The following ESR1 variants were observed in gnomAD, a reference collection of about 807,000 sequenced individuals.
The protein encoded by ESR1 is estrogen receptor 1.
In ESR1, 12 loss-of-function variants were observed where a neutral mutation model predicts 52.7. The observed-to-expected ratio is 0.23, with a 90% CI of 0.15 to 0.37. The LOEUF is 0.37. Among genes scored for constraint, ESR1 ranks in the 10% least tolerant of loss-of-function variants. The probability of loss-of-function intolerance (pLI) is 1.00; values close to 1 mark genes in which losing one functional copy is unlikely to be tolerated. For synonymous variants in ESR1, 305 were observed against 316.8 expected (o/e 0.96, Z 0.39); for missense variants, 584 against 779.7 (o/e 0.75, Z 2.99).
intron 6 of ESR1, among the ~76,000 whole-genome samples, chr6:152,065,792 G>A (rs1427734782): frequency 6.6e-6 from 1 of 152,166 alleles, no homozygotes; most frequent in Admixed American, 6.5e-5. Flanking sequence ...TGTTCCCCTG[G>A]AAATGTCTTA....
At chr6:151,684,216 T>C (rs140585770) in intron 1 of ESR1, among the ~76,000 whole-genome samples, 9 of 152,114 alleles carry the variant, frequency 5.9e-5, no homozygotes, top group African/African-American at 1.9e-4. Context: ...GAAGGTGTGC[T>C]TTGAGATGAA....
At chr6:151,967,323 A>T (rs115429918) in intron 4 of ESR1, among the ~76,000 whole-genome samples, 2,529 of 152,174 alleles carry the variant, frequency 0.017, 58 homozygotes, top group African/African-American at 0.057. Flanking sequence ...CCTAAATGCT[A>T]TCCTTCGCCT....
In ESR1 at chr6:151,705,220, TG is replaced by T. The variant is rs544328984; in HGVS notation, c.-71+3216del. The stretch of plus-strand genomic sequence containing the variant: ...AGAAAGACAACAGGCTAGGATTAGC[TG>T]ACTAATAATTTTATTTATCAAGCTC... On this transcript the variant is annotated intron_variant, in intron 2 of 2. Transcript: ENST00000404742. 2.1e-3 allele frequency among the ~76,000 whole-genome samples: 321 copies of T among 152,288 alleles called. 2 individuals are homozygous for T. The highest frequency in any genetic ancestry group is 7.4e-3 in the African/African-American group (308 of 41,560).
intron 4 of ESR1, among the ~76,000 whole-genome samples, chr6:151,985,357 A>C (rs1283855854): frequency 2.0e-5 from 3 of 151,708 alleles, no homozygotes; most frequent in Non-Finnish European, 4.4e-5. Context: ...AATACAAAAA[A>C]ATTAGCTGGG....
At chr6:152,000,758 G>A (rs1316310443) in intron 4 of ESR1, among the ~76,000 whole-genome samples, 1 of 152,032 alleles carries the variant, frequency 6.6e-6, no homozygotes, top group Non-Finnish European at 1.5e-5. Context: ...TGTTTTGTAT[G>A]TGGGAGGGGT....
At chr6:151,848,077 C>A (rs1785475177) in intron 2 of ESR1, among the ~76,000 whole-genome samples, 1 of 92,886 alleles carries the variant, frequency 1.1e-5, no homozygotes, top group African/African-American at 4.2e-5. Context: ...TGGAACCAAC[C>A]CAAATGTCCA....
In ESR1 at chr6:152,058,886, C is replaced by T. The variant is rs17082064; in HGVS notation, c.1236-2105C>T. 4.4e-3 allele frequency among the ~76,000 whole-genome samples: 670 copies of T among 152,188 alleles called. 5 individuals carry two copies. The highest frequency in any genetic ancestry group is 0.015 in the African/African-American group (618 of 41,516). On this transcript the variant is annotated intron_variant, in intron 5 of 7. Coordinates refer to ENST00000206249, the MANE Select transcript of ESR1 (RefSeq NM_000125.4). ...TTGGTTGATAAGCAATGTGATTTGA[C>T]GTAACAATCTTGAGTCCTAATCCCC...
At chr6:152,016,529 G>A (rs906028213) in intron 5 of ESR1, among the ~76,000 whole-genome samples, 1 of 152,112 alleles carries the variant, frequency 6.6e-6, no homozygotes, top group Non-Finnish European at 1.5e-5. Context: ...TGCATTAACA[G>A]TGAAACATTG....
At chr6:151,785,639 A>C (rs1786949573) in intron 2 of ESR1, among the ~76,000 whole-genome samples, 2 of 152,174 alleles carry the variant, frequency 1.3e-5, no homozygotes, top group Admixed American at 1.3e-4. Flanking sequence ...GTTTACTTGG[A>C]GGTGGCTCAA....
At chr6:151,987,524 A>G (rs2040608340) in intron 4 of ESR1, among the ~76,000 whole-genome samples, 1 of 152,066 alleles carries the variant, frequency 6.6e-6, no homozygotes, top group Non-Finnish European at 1.5e-5. Flanking sequence ...TTTACGTGGC[A>G]GACTTTATTT....
chr6:151,877,537 C>T (rs868297562), intron 2 of ESR1, among the ~76,000 whole-genome samples: 15 of 152,138 alleles, frequency 9.9e-5, no homozygotes, highest in South Asian at 4.1e-4. Flanking sequence ...TGTTAAGAGA[C>T]GAATTCAATT....
intron 3 of ESR1, among the ~76,000 whole-genome samples, chr6:151,888,078 T>C (rs975544982): frequency 3.3e-5 from 5 of 152,172 alleles, no homozygotes; most frequent in African/African-American, 1.2e-4. Context: ...AGCTTTATAG[T>C]ATATTTTGAG....
intron 1 of ESR1, among the ~76,000 whole-genome samples, chr6:151,701,411 C>T (rs1779772381): frequency 6.6e-6 from 1 of 151,476 alleles, no homozygotes; most frequent in South Asian, 2.1e-4. Flanking sequence ...CGCCTGTAGT[C>T]CCAGCTACTT....
intron 4 of ESR1, among the ~76,000 whole-genome samples, chr6:151,999,999 T>C (rs1254717504): frequency 1.3e-5 from 2 of 152,064 alleles, no homozygotes; most frequent in Non-Finnish European, 2.9e-5. Flanking sequence ...GGTTAGGTGG[T>C]AAGTAGAGAA....
chr6:151,946,576 T>C (rs75176652), intron 4 of ESR1, among the ~76,000 whole-genome samples: 3,444 of 152,298 alleles, frequency 0.023, 148 homozygotes, highest in African/African-American at 0.08. Flanking sequence ...AAAACCACTC[T>C]GTAACTTCAT....
chr6:151,683,947 A>T (rs1395098393), intron 1 of ESR1, among the ~76,000 whole-genome samples: 1 of 149,916 alleles, frequency 6.7e-6, no homozygotes, highest in Non-Finnish European at 1.5e-5. Flanking sequence ...CCTGAGCTCA[A>T]CTCATCAGCC....
intron 3 of ESR1, among the ~76,000 whole-genome samples, chr6:151,902,292 T>A (rs1390298954): frequency 6.6e-6 from 1 of 152,170 alleles, no homozygotes. Flanking sequence ...CCAGTTTTGA[T>A]CTTGCTCTCA....
At chr6:152,075,716 G>GT (rs1198828881) in intron 6 of ESR1, among the ~76,000 whole-genome samples, 1 of 152,192 alleles carries the variant, frequency 6.6e-6, no homozygotes, top group African/African-American at 2.4e-5. Flanking sequence ...TCATTTATTA[G>GT]TGACTATTGC....
rs75628375 is a variant in ESR1 at position 151,904,936 on chromosome 6, G to T, written c.760+24165G>T. ...ATCTTGCCCTTGCACCCACTGAGAC[G>T]ATGGGAAAGTAGCAACAATACTAGG... On this transcript the variant is annotated intron_variant, in intron 3 of 7. Transcript: ENST00000206249. Among the ~76,000 whole-genome samples, 51 of 152,168 alleles carry T rather than the reference G, an allele frequency of 3.4e-4. No homozygotes were observed. The East Asian group carries it at 7.3e-3, about 22-fold the overall frequency.
Sources: allele counts gnomAD v4.1 joint callset (sites outside exome capture counted in the v4.1 genomes callset), GRCh38; gene constraint gnomAD v4.1.1; transcripts MANE v1.5; gene names NCBI Gene and HGNC (gene_info 2026-07-23, HGNC 2026-07-21).